Variants in SPATS2L observed in about 807,000 individuals in gnomAD.
SPATS2L encodes the protein SPATS2-like protein.
Under a neutral mutation model 59.6 loss-of-function variants are expected in SPATS2L, and 30 were observed. The observed-to-expected ratio is 0.50, with a 90% CI of 0.38 to 0.68. The LOEUF (loss-of-function observed/expected upper bound fraction) is 0.68, where lower values mean the gene tolerates loss of function less well. SPATS2L is among the 30% of genes least tolerant of loss of function. The pLI, the probability that SPATS2L is intolerant of heterozygous loss-of-function variation, is 0.00. For missense variants in SPATS2L, 615 were observed against 700.0 expected, an observed-to-expected ratio of 0.88 and a Z score of 1.37; for synonymous variants, 252 against 263.5, an observed-to-expected ratio of 0.96 and a Z score of 0.42.
intron 2 of SPATS2L, among the ~76,000 whole-genome samples, chr2:200,336,536 T>C (rs1052957836): frequency 2.6e-5 from 4 of 152,216 alleles, no homozygotes; most frequent in Non-Finnish European, 5.9e-5. Context: ...CAGGTCATCA[T>C]ACCATTAAAA....
chr2:200,409,217 T>G lies in SPATS2L; in HGVS notation c.40-3094T>G, dbSNP rs76427118. Among the ~76,000 whole-genome samples the G allele has an allele frequency of 1.4e-3, 218 of 152,374 alleles. 3 individuals are homozygous for G. The East Asian group carries it at 0.037, about 26-fold the overall frequency. On this transcript the variant is annotated intron_variant, in intron 3 of 12. Coordinates refer to ENST00000409140, the MANE Select transcript of SPATS2L (RefSeq NM_001100423.2). ...TTCTCCGTATGCAAACTACTATTAG[T>G]CACGCATTGATTGATCCATTCCTTC...
At chr2:200,374,908 G>C (rs1265898873) in intron 2 of SPATS2L, among the ~76,000 whole-genome samples, 4 of 152,180 alleles carry the variant, frequency 2.6e-5, no homozygotes, top group Non-Finnish European at 4.4e-5. Context: ...TTGAGCCACT[G>C]TACTAAAAAA....
chr2:200,347,448 C>T (rs1480052475), intron 2 of SPATS2L, among the ~76,000 whole-genome samples: 1 of 152,202 alleles, frequency 6.6e-6, no homozygotes. Context: ...GCTTTAATCT[C>T]ATCATCCTCT....
intron 9 of SPATS2L, among the ~76,000 whole-genome samples, chr2:200,462,423 G>T (rs1037505765): frequency 6.6e-6 from 1 of 152,166 alleles, no homozygotes; most frequent in Non-Finnish European, 1.5e-5. Context: ...AAGCTTTCAG[G>T]CTAGCTGAAA....
chr2:200,314,672 A>G (rs889421027), intron 1 of SPATS2L, among the ~76,000 whole-genome samples: 2 of 152,064 alleles, frequency 1.3e-5, no homozygotes, highest in Non-Finnish European at 2.9e-5. Flanking sequence ...TAGCATCTCC[A>G]CTAAAGGAAA....
chr2:200,322,213 A>G (rs1469443900), intron 1 of SPATS2L, among the ~76,000 whole-genome samples: 1 of 152,242 alleles, frequency 6.6e-6, no homozygotes, highest in Non-Finnish European at 1.5e-5. Flanking sequence ...ATTTGATGAA[A>G]GGAAACCTCA....
At chr2:200,363,702 G>T (rs2081181693) in intron 2 of SPATS2L, among the ~76,000 whole-genome samples, 1 of 152,194 alleles carries the variant, frequency 6.6e-6, no homozygotes, top group African/African-American at 2.4e-5. Flanking sequence ...ATATACAAAT[G>T]TTAGCATTTC....
intron 2 of SPATS2L, among the ~76,000 whole-genome samples, chr2:200,339,046 C>T (rs1016082509): frequency 1.3e-5 from 2 of 152,156 alleles, no homozygotes; most frequent in Non-Finnish European, 2.9e-5. Flanking sequence ...CCAGGCATGC[C>T]GAACGATGTC....
chr2:200,417,231 G>C (rs1412869187), intron 5 of SPATS2L, among the ~76,000 whole-genome samples: 1 of 152,078 alleles, frequency 6.6e-6, no homozygotes, highest in Non-Finnish European at 1.5e-5. Context: ...CTGCAAAACA[G>C]GTTCTGAACA....
chr2:200,329,468 T>G lies in SPATS2L; in HGVS notation c.-35T>G, dbSNP rs1228750258. On this transcript the variant is annotated 5_prime_UTR_variant, in exon 2 of 13. Coordinates refer to ENST00000409140, the MANE Select transcript of SPATS2L (RefSeq NM_001100423.2). ...ACCAGGCTGCTTTCAGGAACATTGC[T>G]GTGGATTCCCAGGTGAGTAGAGATG... The G allele has an allele frequency of 6.4e-7, 1 of 1,550,566 alleles. No homozygotes were observed. The highest frequency in any genetic ancestry group is 8.7e-7 in the Non-Finnish European group (1 of 1,146,964).
intron 1 of SPATS2L, among the ~76,000 whole-genome samples, chr2:200,319,442 G>A (rs770818083): frequency 2.0e-5 from 3 of 151,898 alleles, no homozygotes; most frequent in Non-Finnish European, 4.4e-5. Context: ...GCGTATGCCT[G>A]TAATCCCAGC....
At chr2:200,388,939 T>G (rs2082084480) in intron 2 of SPATS2L, among the ~76,000 whole-genome samples, 2 of 152,320 alleles carry the variant, frequency 1.3e-5, no homozygotes, top group Admixed American at 1.3e-4. Flanking sequence ...ACCTTTCTTT[T>G]ACATAATAGG....
intron 1 of SPATS2L, 50 bp downstream of exon 1, chr2:200,306,972 G>A: frequency 1.0e-6 from 1 of 983,166 alleles, no homozygotes; most frequent in South Asian, 4.7e-5. Flanking sequence ...TGCAGGGCGC[G>A]GGCGGACGCG....
At chr2:200,315,886 A>G (rs1235252510) in intron 1 of SPATS2L, among the ~76,000 whole-genome samples, 1 of 144,126 alleles carries the variant, frequency 6.9e-6, no homozygotes, top group Non-Finnish European at 1.5e-5. Flanking sequence ...AGAGCCTGGC[A>G]TGGTGGTGGG....
intron 1 of SPATS2L, among the ~76,000 whole-genome samples, chr2:200,318,225 G>A (rs140880163): frequency 3.9e-5 from 6 of 152,320 alleles, no homozygotes; most frequent in African/African-American, 1.4e-4. Context: ...GCCAGTCACT[G>A]TGATTGCAAA....
intron 2 of SPATS2L, among the ~76,000 whole-genome samples, chr2:200,384,573 T>C (rs1574340741): frequency 6.6e-6 from 1 of 152,138 alleles, no homozygotes; most frequent in African/African-American, 2.4e-5. Context: ...AGGATGGTCT[T>C]GATCTCCTGA....
intron 6 of SPATS2L, among the ~76,000 whole-genome samples, chr2:200,428,098 G>C (rs2083690366): frequency 6.6e-6 from 1 of 151,740 alleles, no homozygotes; most frequent in Non-Finnish European, 1.5e-5. Context: ...GTTTTCTTGA[G>C]GCTTCATCAC....
intron 1 of SPATS2L, among the ~76,000 whole-genome samples, chr2:200,323,090 T>C (rs1482755995): frequency 6.6e-6 from 1 of 152,212 alleles, no homozygotes; most frequent in East Asian, 1.9e-4. Context: ...GGCATGTTGG[T>C]ACTAGCAAGT....
At chr2:200,336,412 A>G (rs1353776735) in intron 2 of SPATS2L, among the ~76,000 whole-genome samples, 2 of 152,232 alleles carry the variant, frequency 1.3e-5, no homozygotes, top group Non-Finnish European at 2.9e-5. Context: ...GAATTTAAAA[A>G]AAAAGACACA....
Sources: allele counts gnomAD v4.1 joint callset (sites outside exome capture counted in the v4.1 genomes callset), GRCh38; gene constraint gnomAD v4.1.1; transcripts MANE v1.5; gene names NCBI Gene and HGNC (gene_info 2026-07-23, HGNC 2026-07-21).